Variants in BCAS3 observed in about 807,000 individuals in gnomAD.
BCAS3 encodes the protein BCAS3 microtubule associated cell migration factor.
BCAS3 carries 53 observed loss-of-function variants against 116.1 expected under a neutral mutation model. The observed-to-expected ratio is 0.46, with a 90% confidence interval of 0.37 to 0.57. The LOEUF is 0.57. Among genes scored for constraint, BCAS3 ranks in the 20% least tolerant of loss-of-function variants. The pLI, the probability that BCAS3 is intolerant of heterozygous loss-of-function variation, is 0.00. For synonymous variants in BCAS3, 391 were observed against 408.2 expected, an observed-to-expected ratio of 0.96 and a Z score of 0.51; for missense variants, 917 against 1,165.4, an observed-to-expected ratio of 0.79 and a Z score of 3.10.
At chr17:61,246,792 A>AGTGTGTGTGTGTGTGTGT (rs61382195) in intron 22 of BCAS3, among the ~76,000 whole-genome samples, 4 of 144,130 alleles carry the variant, frequency 2.8e-5, no homozygotes, top group African/African-American at 1.0e-4. Flanking sequence ...TTTGAGTGAG[A>AGTGTGTGTGTGTGTGTGT]GTGTGTGTGT....
chr17:61,232,129 C>T (rs370967790), intron 22 of BCAS3, among the ~76,000 whole-genome samples: 2 of 135,484 alleles, frequency 1.5e-5, no homozygotes, highest in East Asian at 2.5e-4. Context: ...GGCGTGAACC[C>T]GGAAGGCAGA....
chr17:61,251,247 GATTCTA>G lies in BCAS3; in HGVS notation c.2426-117077_2426-117072del, dbSNP rs1202968714. 1.3e-5 allele frequency among the ~76,000 whole-genome samples: 2 copies of G among 152,184 alleles called. No individual in the cohort carries two copies. The highest frequency in any genetic ancestry group is 2.9e-5 in the Non-Finnish European group (2 of 68,028). ...TGGAGAGTCTGTTAACTCAAGGCCT[GATTCTA>G]ATGAATTTGGGATTCCTTGCTGAAA... On this transcript the variant is annotated intron_variant, in intron 22 of 23. Transcript: ENST00000407086. The surrounding 1 kb of genome is among the most constrained non-coding windows in gnomAD (Gnocchi z 4.7).
Position 61,095,703 on chromosome 17 carries a change from G to C in BCAS3, c.2425+11139G>C, listed in dbSNP as rs2073922080. Among the ~76,000 whole-genome samples the C allele has an allele frequency of 6.6e-6, 1 of 152,104 alleles. No homozygotes were observed. Among genetic ancestry groups the C allele is most frequent in the Non-Finnish European group, 1.5e-5 (1 of 68,014 alleles). On this transcript the variant is annotated intron_variant, in intron 22 of 23. Transcript: ENST00000407086. This position sits in a 1 kb window ranked among gnomAD's most constrained non-coding sequence, Gnocchi z 4.7. Reference sequence around the variant, plus strand: ...GCTGGTCTTGAACTTCTGAGCTCAAGTGATCTGCCCACCTTGGCTTCCCAA... The same window carrying C: ...GCTGGTCTTGAACTTCTGAGCTCAACTGATCTGCCCACCTTGGCTTCCCAA...
chr17:61,304,322 C>T (rs1422848608), intron 22 of BCAS3, among the ~76,000 whole-genome samples: 1 of 152,234 alleles, frequency 6.6e-6, no homozygotes, highest in Non-Finnish European at 1.5e-5. Flanking sequence ...GAAACTCAAG[C>T]TTCTTAGCAA....
At chr17:60,723,837 G>T (rs2039520192) in intron 5 of BCAS3, among the ~76,000 whole-genome samples, 1 of 146,712 alleles carries the variant, frequency 6.8e-6, no homozygotes, top group Non-Finnish European at 1.5e-5. Context: ...TCCTGCCTCA[G>T]CCTTCTGAGT....
Position 61,343,859 on chromosome 17 carries a change from C to T in BCAS3, c.2426-24468C>T, listed in dbSNP as rs766848562. Among the ~76,000 whole-genome samples the T allele has an allele frequency of 2.0e-5, 3 of 152,208 alleles. No homozygotes were observed. The highest frequency in any genetic ancestry group is 4.4e-5 in the Non-Finnish European group (3 of 68,046). ...CTTTGCTCAGTTCTGCTCTGCAGCC[C>T]CCATGGCGACACCCTCTCTCTTTGG... is the stretch of plus-strand genomic sequence containing the variant. On this transcript the variant is annotated intron_variant, in intron 22 of 23. Transcript: ENST00000407086. This position sits in a 1 kb window ranked among gnomAD's most constrained non-coding sequence, Gnocchi z 5.5.
Position 61,074,943 on chromosome 17 carries a change from C to T in BCAS3, c.2053C>T (p.Pro685Ser). Residue 685 changes from proline (P) to serine (S), a missense_variant, in exon 20 of 24, where the codon CCC becomes TCC. Around this residue, in one of 3 missense-constraint regions of BCAS3, gnomAD observed 807 missense variants for 1,026.0 expected, o/e 0.79. Transcript: ENST00000407086. ...AGTGGTTCCCCCTGGAAGTCCTGGG[C>T]CCATTACTCGACATGGGTCTTACGA... ...AGLVPPGSPG[P>S]ITRHGSYDSL... is the part of the protein sequence containing the mutation. 1 of 1,613,244 alleles carries T rather than the reference C, an allele frequency of 6.2e-7. No individual in the cohort carries two copies. The highest frequency in any genetic ancestry group is 2.2e-5 in the East Asian group (1 of 44,840).
intron 5 of BCAS3, among the ~76,000 whole-genome samples, chr17:60,729,315 CT>C (rs560082947): frequency 6.6e-3 from 722 of 108,998 alleles, no homozygotes; most frequent in African/African-American, 0.011. Context: ...TATGTGGACT[CT>C]TTTTTTTTTT....
intron 22 of BCAS3, among the ~76,000 whole-genome samples, chr17:61,291,073 C>T (rs2144703358): frequency 6.6e-6 from 1 of 152,316 alleles, no homozygotes; most frequent in Non-Finnish European, 1.5e-5. Context: ...AGCCACCGCG[C>T]CCGGCCTAGT....
At chr17:60,805,149 TA>T (rs761122654) in intron 6 of BCAS3, among the ~76,000 whole-genome samples, 5 of 151,930 alleles carry the variant, frequency 3.3e-5, no homozygotes, top group Non-Finnish European at 7.4e-5. Flanking sequence ...TATATGTAGT[TA>T]AAAATTTTTA....
rs2072767521 is a variant in BCAS3, at chr17:61,083,049, C to T, written c.2328-1418C>T. On this transcript the variant is annotated intron_variant, in intron 21 of 23. Transcript: ENST00000407086. This position sits in a 1 kb window ranked among gnomAD's most constrained non-coding sequence, Gnocchi z 4.9. ...AACTCTATACTTCAGCCAAATCATGCACTTCAAGATGCCCTGAATCTATCG... is the reference window on the plus strand; with the variant it reads ...AACTCTATACTTCAGCCAAATCATGTACTTCAAGATGCCCTGAATCTATCG... 6.6e-6 allele frequency among the ~76,000 whole-genome samples: 1 copy of T among 152,206 alleles called. No individual in the cohort carries two copies. Among genetic ancestry groups the T allele is most frequent in the Non-Finnish European group, 1.5e-5 (1 of 68,046 alleles).
chr17:60,862,280 C>A (rs2054221607), intron 7 of BCAS3, among the ~76,000 whole-genome samples: 2 of 151,988 alleles, frequency 1.3e-5, no homozygotes, highest in Non-Finnish European at 2.9e-5. Flanking sequence ...GACTCTGTCT[C>A]AAAACAAACA....
intron 19 of BCAS3, among the ~76,000 whole-genome samples, chr17:61,071,145 A>G (rs1023899776): frequency 1.1e-4 from 16 of 152,302 alleles, no homozygotes; most frequent in African/African-American, 3.4e-4. Flanking sequence ...TAGAAGGATA[A>G]CAAGTGGACA....
chr17:60,852,116 ATTAC>A (rs1305377778), intron 7 of BCAS3, among the ~76,000 whole-genome samples: 1 of 151,826 alleles, frequency 6.6e-6, no homozygotes, highest in Non-Finnish European at 1.5e-5. Flanking sequence ...AACATTTTAA[ATTAC>A]TTCTATTCCC....
chr17:61,026,461 A>G lies in BCAS3; in HGVS notation c.1638-8205A>G, dbSNP rs777416117. Among the ~76,000 whole-genome samples, 2 of 152,096 alleles carry G rather than the reference A, an allele frequency of 1.3e-5. No homozygotes were observed. The highest frequency in any genetic ancestry group is 2.9e-5 in the Non-Finnish European group (2 of 67,966). ...TTCATATCAAATTTTTTATCCAGTC[A>G]TCGTTAGCTAATTTTAACCATTTTG... On this transcript the variant is annotated intron_variant, in intron 16 of 23. Coordinates refer to ENST00000407086, the MANE Select transcript of BCAS3 (RefSeq NM_017679.5). The surrounding 1 kb of genome is among the most constrained non-coding windows in gnomAD (Gnocchi z 5.0).
chr17:60,955,570 A>ATG (rs1212779097), intron 14 of BCAS3, among the ~76,000 whole-genome samples: 3 of 151,780 alleles, frequency 2.0e-5, no homozygotes, highest in Non-Finnish European at 4.4e-5. Context: ...TTTAGTAGAG[A>ATG]TGGGGTTTCA....
intron 7 of BCAS3, among the ~76,000 whole-genome samples, chr17:60,827,689 A>G (rs372193388): frequency 1.4e-4 from 21 of 152,160 alleles, no homozygotes; most frequent in South Asian, 4.1e-4. Context: ...TAATGAGCAT[A>G]TCCATCACCC....
At chr17:61,033,948 A>C (rs1568173431) in intron 16 of BCAS3, among the ~76,000 whole-genome samples, 1 of 152,204 alleles carries the variant, frequency 6.6e-6, no homozygotes, top group Non-Finnish European at 1.5e-5. Flanking sequence ...ACATATGAGC[A>C]ACAGAAAAGA....
chr17:60,816,474 C>T (rs977597715), intron 7 of BCAS3, among the ~76,000 whole-genome samples: 1 of 151,914 alleles, frequency 6.6e-6, no homozygotes, highest in Non-Finnish European at 1.5e-5. Flanking sequence ...GGGGTTTCAC[C>T]ATTTTGGCCA....
Sources: allele counts gnomAD v4.1 joint callset (sites outside exome capture counted in the v4.1 genomes callset), GRCh38; gene constraint gnomAD v4.1.1; regional missense constraint gnomAD v4.1.1; non-coding constraint Gnocchi (gnomAD v3.1); transcripts MANE v1.5; gene names NCBI Gene and HGNC (gene_info 2026-07-23, HGNC 2026-07-21).